Variants in YPEL1 observed in about 807,000 individuals in gnomAD.
The protein encoded by YPEL1 is protein yippee-like 1.
Under a neutral mutation model 17.3 loss-of-function variants are expected in YPEL1, and 7 were observed. That is an observed-to-expected ratio of 0.40 (90% CI 0.23 to 0.76). The LOEUF is 0.76. Among genes scored for constraint, YPEL1 ranks in the 30% least tolerant of loss-of-function variants. The pLI is 0.35. For missense variants in YPEL1, 91 were observed against 155.5 expected (o/e 0.59, Z 2.21); for synonymous variants, 59 against 59.6 (o/e 0.99, Z 0.05).
At chr22:21,702,984 G>A (rs5754727) in intron 4 of YPEL1, among the ~76,000 whole-genome samples, 76,853 of 152,042 alleles carry the variant, frequency 0.51, 20,160 homozygotes, top group East Asian at 0.73. Flanking sequence ...CAGGTCTGGC[G>A]CTGAGGTCTT....
intron 1 of YPEL1, among the ~76,000 whole-genome samples, chr22:21,734,497 C>A (rs369192604): frequency 3.3e-5 from 5 of 152,062 alleles, no homozygotes; most frequent in Non-Finnish European, 5.9e-5. Context: ...TAATTAAGAG[C>A]GCTCAGTTAT....
intron 1 of YPEL1, among the ~76,000 whole-genome samples, chr22:21,727,391 C>T (rs1355509571): frequency 4.6e-5 from 7 of 152,176 alleles, no homozygotes; most frequent in Non-Finnish European, 1.0e-4. Flanking sequence ...AATAAGGAAC[C>T]ACCCTGAAGT....
Position 21,703,292 on chromosome 22 carries a change from C to A in YPEL1, c.270+78G>T. The A allele has an allele frequency of 1.6e-6, 2 of 1,285,686 alleles. No individual in the cohort carries two copies. The highest frequency in any genetic ancestry group is 2.2e-6 in the Non-Finnish European group (2 of 892,130). The allele number at this position is 1,285,686 out of a possible 1,614,324, so 79.6% of individuals were successfully genotyped here. A position where few individuals can be genotyped will look rare whatever the true frequency, so the allele number is the denominator to read the frequency against. On this transcript the variant is annotated intron_variant, in intron 4 of 4. Transcript: ENST00000339468. This position sits in a 1 kb window ranked among gnomAD's most constrained non-coding sequence, Gnocchi z 6.1. ...GCTGTGACTGGTACCATGGGCCACA[C>A]TGCACGGGGAGGTGTGGCTCAGTGG...
Position 21,711,692 on chromosome 22 carries a change from T to C in YPEL1, c.-164-784A>G, listed in dbSNP as rs141097449. 9.2e-3 allele frequency among the ~76,000 whole-genome samples: 1,401 copies of C among 152,344 alleles called. 15 individuals are homozygous for C. The highest frequency in any genetic ancestry group is 0.031 in the African/African-American group (1,284 of 41,568). The stretch of plus-strand genomic sequence containing the variant: ...CACCTGCAAAAATATAAAGTTGGAC[T>C]CTTACCTAACACCGTATACAAATTA... On this transcript the variant is annotated intron_variant, in intron 1 of 4. Transcript: ENST00000339468.
chr22:21,725,385 A>AATTTTTTGT (rs1297343774), intron 1 of YPEL1, among the ~76,000 whole-genome samples: 1 of 151,792 alleles, frequency 6.6e-6, no homozygotes. Flanking sequence ...ACACCCGGCT[A>AATTTTTTGT]ATTTTTTGTA....
In YPEL1 at chr22:21,703,305, T is replaced by C; in HGVS notation, c.270+65A>G. ...CCATGGGCCACACTGCACGGGGAGG[T>C]GTGGCTCAGTGGCAACTTAGTGCCA... is the stretch of plus-strand genomic sequence containing the variant. On this transcript the variant is annotated intron_variant, in intron 4 of 4. Coordinates refer to ENST00000339468, the MANE Select transcript of YPEL1 (RefSeq NM_013313.5). The surrounding 1 kb of genome is among the most constrained non-coding windows in gnomAD (Gnocchi z 6.1). The C allele has an allele frequency of 7.1e-7, 1 of 1,403,094 alleles. No individual in the cohort carries two copies. The highest frequency in any genetic ancestry group is 1.0e-6 in the Non-Finnish European group (1 of 994,688). The allele number at this position is 1,403,094 out of a possible 1,614,324, so 86.9% of individuals were successfully genotyped here.
chr22:21,714,953 T>G (rs2068206635), intron 1 of YPEL1, among the ~76,000 whole-genome samples: 1 of 152,198 alleles, frequency 6.6e-6, no homozygotes, highest in Non-Finnish European at 1.5e-5. Context: ...TGATATATTC[T>G]GAAAACTAAA....
At chr22:21,733,734 T>C (rs1013551133) in intron 1 of YPEL1, among the ~76,000 whole-genome samples, 7 of 152,098 alleles carry the variant, frequency 4.6e-5, no homozygotes, top group Admixed American at 4.6e-4. Context: ...AAAACCAATT[T>C]GTTTGTTGAA....
chr22:21,706,571 G>A (rs1396683152), intron 2 of YPEL1, among the ~76,000 whole-genome samples: 1 of 152,128 alleles, frequency 6.6e-6, no homozygotes, highest in Non-Finnish European at 1.5e-5. Context: ...AACAGTCATA[G>A]GCTAGGCACC....
At chr22:21,720,327 C>G (rs928700721) in intron 1 of YPEL1, among the ~76,000 whole-genome samples, 1 of 152,014 alleles carries the variant, frequency 6.6e-6, no homozygotes, top group East Asian at 1.9e-4. Context: ...AGCTCAGCCT[C>G]CCAAGTAGCT....
Position 21,700,042 on chromosome 22 carries a change from G to T in YPEL1, c.*1087C>A, listed in dbSNP as rs977044578. On this transcript the variant is annotated 3_prime_UTR_variant, in exon 5 of 5. Transcript: ENST00000339468. ...TCTCAATTTAGAGTGTATCTAAAAT[G>T]TCATCTGTGCTGGCCTCTGTTTTTG... The T allele has an allele frequency of 6.6e-6, 1 of 152,376 alleles. No homozygotes were observed. The highest frequency in any genetic ancestry group is 1.5e-5 in the Non-Finnish European group (1 of 68,050). The allele number at this position is 152,376 out of a possible 1,614,324, so 9.4% of individuals were successfully genotyped here.
chr22:21,713,672 G>A (rs1010637059), intron 1 of YPEL1, among the ~76,000 whole-genome samples: 5 of 152,196 alleles, frequency 3.3e-5, no homozygotes, highest in African/African-American at 1.2e-4. Flanking sequence ...GTACAAAAAT[G>A]TGAATATATT....
At chr22:21,711,731 G>T (rs546809356) in intron 1 of YPEL1, among the ~76,000 whole-genome samples, 4 of 152,196 alleles carry the variant, frequency 2.6e-5, no homozygotes, top group Non-Finnish European at 4.4e-5. Flanking sequence ...CAAAATAAAA[G>T]ACCTAAATGT....
intron 1 of YPEL1, among the ~76,000 whole-genome samples, chr22:21,713,025 T>C (rs79239229): frequency 0.029 from 4,384 of 152,238 alleles, 200 homozygotes; most frequent in African/African-American, 0.099. Flanking sequence ...TCCATGTCAC[T>C]GATCCTGAGG....
chr22:21,712,381 A>AAAC (rs1569060857), intron 1 of YPEL1, among the ~76,000 whole-genome samples: 1 of 150,764 alleles, frequency 6.6e-6, no homozygotes, highest in Non-Finnish European at 1.5e-5. Flanking sequence ...AAAAAAAAAA[A>AAAC]AAAACAACTA....
At chr22:21,720,011 C>CA (rs112623506) in intron 1 of YPEL1, among the ~76,000 whole-genome samples, 3,254 of 112,878 alleles carry the variant, frequency 0.029, 68 homozygotes, top group African/African-American at 0.038. Context: ...GACTCCATCT[C>CA]AAAAAAAAAA....
At chr22:21,723,741 C>T (rs1465631521) in intron 1 of YPEL1, among the ~76,000 whole-genome samples, 1 of 149,866 alleles carries the variant, frequency 6.7e-6, no homozygotes, top group Non-Finnish European at 1.5e-5. Context: ...GCTGGACTCA[C>T]TGCAACCTCT....
intron 1 of YPEL1, among the ~76,000 whole-genome samples, chr22:21,732,610 C>T (rs756717977): frequency 6.6e-6 from 1 of 152,026 alleles, no homozygotes; most frequent in Non-Finnish European, 1.5e-5. Flanking sequence ...GGTGAAACCC[C>T]GTCTCTATTA....
At chr22:21,701,672 A>G (rs2068067533) in intron 4 of YPEL1, among the ~76,000 whole-genome samples, 1 of 152,172 alleles carries the variant, frequency 6.6e-6, no homozygotes, top group Non-Finnish European at 1.5e-5. Flanking sequence ...GGGACAATTT[A>G]AGAGGCTTGA....
Sources: allele counts gnomAD v4.1 joint callset (sites outside exome capture counted in the v4.1 genomes callset), GRCh38; gene constraint gnomAD v4.1.1; non-coding constraint Gnocchi (gnomAD v3.1); transcripts MANE v1.5; gene names NCBI Gene and HGNC (gene_info 2026-07-23, HGNC 2026-07-21).